The following NUCB2 variants were observed in gnomAD, a reference collection of about 807,000 sequenced individuals.
The protein encoded by NUCB2 is nucleobindin-2.
In NUCB2, 48 loss-of-function variants were observed where a neutral mutation model predicts 57.9. That is an observed-to-expected ratio of 0.83 (90% CI 0.66 to 1.05). The LOEUF (loss-of-function observed/expected upper bound fraction) is 1.05, where lower values mean the gene tolerates loss of function less well. Among genes scored for constraint, NUCB2 ranks in the 50% least tolerant of loss-of-function variants. The probability of loss-of-function intolerance (pLI) is 0.00; values close to 1 mark genes in which losing one functional copy is unlikely to be tolerated. For synonymous variants in NUCB2, 139 were observed against 152.1 expected (o/e 0.91, Z 0.64); for missense variants, 442 against 476.2 (o/e 0.93, Z 0.67).
At chr11:17,310,266 A>T (rs1272227824) in intron 6 of NUCB2, among the ~76,000 whole-genome samples, 1 of 151,434 alleles carries the variant, frequency 6.6e-6, no homozygotes, top group African/African-American at 2.4e-5. Context: ...CTTACATATT[A>T]CTTGCTTATG....
At chr11:17,302,047 G>T (rs1946838922) in intron 5 of NUCB2, among the ~76,000 whole-genome samples, 177 bp downstream of exon 5, 3 of 152,092 alleles carry the variant, frequency 2.0e-5, no homozygotes, top group Non-Finnish European at 2.9e-5. Context: ...CCACAGGTGT[G>T]TGCCACCATG....
intron 2 of NUCB2, among the ~76,000 whole-genome samples, chr11:17,339,164 T>C (rs1005114246): frequency 4.0e-5 from 6 of 151,618 alleles, no homozygotes; most frequent in African/African-American, 1.5e-4. Context: ...ATTTTTGTTT[T>C]TTCAGTAGAG....
At chr11:17,306,027 A>C (rs758359076) in intron 5 of NUCB2, among the ~76,000 whole-genome samples, 2 of 152,362 alleles carry the variant, frequency 1.3e-5, no homozygotes, top group South Asian at 4.1e-4. Flanking sequence ...ATTGTAAATG[A>C]ATTAAAGATT....
At chr11:17,315,788 T>A (rs16933963) in intron 11 of NUCB2, among the ~76,000 whole-genome samples, 6,956 of 152,242 alleles carry the variant, frequency 0.046, 487 homozygotes, top group African/African-American at 0.15. Context: ...AATTCACCTA[T>A]AATTTTACTA....
intron 1 of NUCB2, 60 bp downstream of exon 1, chr11:17,276,888 G>A (rs1941424934): frequency 1.3e-5 from 2 of 152,342 alleles, no homozygotes; most frequent in Admixed American, 6.5e-5. Context: ...AGGGGTGGGG[G>A]AGTCCGGAGA....
intron 2 of NUCB2, among the ~76,000 whole-genome samples, chr11:17,290,708 A>G (rs182689594): frequency 1.2e-3 from 182 of 152,294 alleles, no homozygotes; most frequent in Non-Finnish European, 2.0e-3. Flanking sequence ...AAATCATGAT[A>G]TAAGATTTTC....
intron 11 of NUCB2, among the ~76,000 whole-genome samples, chr11:17,325,744 CT>C (rs1950583684): frequency 6.6e-6 from 1 of 152,014 alleles, no homozygotes; most frequent in African/African-American, 2.4e-5. Flanking sequence ...TTGCTGTCTT[CT>C]TTTTCTTCCT....
At chr11:17,327,160 A>G (rs1280819983) in intron 11 of NUCB2, among the ~76,000 whole-genome samples, 1 of 152,094 alleles carries the variant, frequency 6.6e-6, no homozygotes, top group Non-Finnish European at 1.5e-5. Flanking sequence ...TCTCAGGTTC[A>G]AGTGATTCTT....
At chr11:17,301,062 T>A (rs564513120) in intron 4 of NUCB2, among the ~76,000 whole-genome samples, 2 of 140,074 alleles carry the variant, frequency 1.4e-5, no homozygotes, top group African/African-American at 2.7e-5. Flanking sequence ...AACCTCCGCC[T>A]CCTGGGTTCA....
chr11:17,316,488 C>T (rs2139084209), intron 11 of NUCB2, among the ~76,000 whole-genome samples: 1 of 152,196 alleles, frequency 6.6e-6, no homozygotes. Flanking sequence ...GGGTAAATTC[C>T]AGTATTTTAC....
chr11:17,301,368 T>G (rs1242961917), intron 4 of NUCB2, among the ~76,000 whole-genome samples: 1 of 143,690 alleles, frequency 7.0e-6, no homozygotes, highest in Admixed American at 7.3e-5. Flanking sequence ...AACCTCTGCC[T>G]CCTGGGTTCA....
chr11:17,321,870 G>T (rs1950066212), intron 11 of NUCB2, among the ~76,000 whole-genome samples: 1 of 151,932 alleles, frequency 6.6e-6, no homozygotes, highest in African/African-American at 2.4e-5. Flanking sequence ...TTTTTCATAT[G>T]CCTGTTTGCC....
At chr11:17,348,120 G>GA (rs1466508865) in intron 2 of NUCB2, among the ~76,000 whole-genome samples, 14 of 151,748 alleles carry the variant, frequency 9.2e-5, no homozygotes, top group Admixed American at 1.3e-4. Context: ...TTAGAATTAA[G>GA]AAAAAATAAT....
intron 2 of NUCB2, among the ~76,000 whole-genome samples, chr11:17,345,533 C>T (rs1008435801): frequency 5.9e-5 from 9 of 152,042 alleles, no homozygotes; most frequent in African/African-American, 1.9e-4. Flanking sequence ...ATGGTGAAAC[C>T]CCATCTCTAC....
At position 17,326,760 on chromosome 11, in the gene NUCB2, T is replaced by C. The variant is rs184573468; in HGVS notation, c.1003-3367T>C. Among the ~76,000 whole-genome samples the C allele has an allele frequency of 3.3e-5, 5 of 152,358 alleles. No homozygotes were observed. In the East Asian group the frequency reaches 9.6e-4, roughly 29 times the overall value. The stretch of plus-strand genomic sequence containing the variant: ...TTTATATACGACAATTACAGTGTTA[T>C]ACTATTCTGTGTTTTTCTGGGTGCT... On this transcript the variant is annotated intron_variant, in intron 11 of 13. Coordinates refer to ENST00000529010, the MANE Select transcript of NUCB2 (RefSeq NM_005013.4).
chr11:17,309,490 A>G, intron 5 of NUCB2, 82 bp from the exon 6 acceptor site: 1 of 808,614 alleles, frequency 1.2e-6, no homozygotes. Context: ...AGGAATAAAT[A>G]TGAAATCTTT....
At chr11:17,318,183 T>C (rs1012193043) in intron 11 of NUCB2, among the ~76,000 whole-genome samples, 1 of 151,772 alleles carries the variant, frequency 6.6e-6, no homozygotes, top group African/African-American at 2.4e-5. Context: ...CCTGGATCTT[T>C]TTTTTGTGTT....
At chr11:17,327,529 T>C (rs758978801) in intron 11 of NUCB2, among the ~76,000 whole-genome samples, 3 of 152,192 alleles carry the variant, frequency 2.0e-5, no homozygotes, top group African/African-American at 7.2e-5. Flanking sequence ...TCTCTTTCTC[T>C]GCCTCCTCTT....
chr11:17,290,004 G>A (rs1180745450), intron 2 of NUCB2, among the ~76,000 whole-genome samples: 4 of 152,114 alleles, frequency 2.6e-5, no homozygotes, highest in African/African-American at 9.7e-5. Flanking sequence ...GGCATAGTTG[G>A]TTTCTGCTAT....
Sources: gnomAD v4.1 joint callset for allele counts (sites outside exome capture counted in the v4.1 genomes callset) on GRCh38, gnomAD v4.1.1 for gene constraint, MANE v1.5 for transcripts, NCBI Gene and HGNC (gene_info 2026-07-23, HGNC 2026-07-21) for gene names.